Variants in TCF12 observed in about 807,000 individuals in gnomAD.
The protein encoded by TCF12 is transcription factor 12, also known as DNA-binding protein HTF4.
In TCF12, 45 loss-of-function variants were observed where a neutral mutation model predicts 86.0. The observed-to-expected ratio is 0.52, with a 90% CI of 0.41 to 0.67. TCF12 has a LOEUF of 0.67. TCF12 is among the 30% of genes least tolerant of loss of function. TCF12 has a pLI of 0.00. For missense variants in TCF12, 881 were observed against 859.9 expected, an observed-to-expected ratio of 1.02 and a Z score of -0.31; for synonymous variants, 330 against 299.6, an observed-to-expected ratio of 1.10 and a Z score of -1.05.
chr15:57,271,366 A>G (rs901754661), intron 18 of TCF12, among the ~76,000 whole-genome samples: 39 of 152,346 alleles, frequency 2.6e-4, no homozygotes, highest in African/African-American at 8.9e-4. Context: ...GCAGCAAGCA[A>G]GGCTCCGTGG....
chr15:56,991,315 C>T (rs745440431), intron 3 of TCF12, among the ~76,000 whole-genome samples: 7 of 152,126 alleles, frequency 4.6e-5, no homozygotes, highest in African/African-American at 9.7e-5. Context: ...ACCAGTCTTC[C>T]GTTTCCATCT....
At position 57,250,755 on chromosome 15, in the gene TCF12, A is replaced by G. The variant is rs1053169280; in HGVS notation, c.1115-595A>G. Among the ~76,000 whole-genome samples, 7 of 149,472 alleles carry G rather than the reference A, an allele frequency of 4.7e-5. 1 individual carries two copies. The East Asian group carries it at 5.9e-4, about 13-fold the overall frequency. On this transcript the variant is annotated intron_variant, in intron 13 of 20. Coordinates refer to ENST00000333725, the MANE Select transcript of TCF12 (RefSeq NM_207037.2). ...AAAAAAAAAGAAAAAAAATTAGCCA[A>G]CGTGGTGGCACACACTTGTGATCCC... is the stretch of plus-strand genomic sequence containing the variant.
At chr15:56,941,924 C>G (rs2060798448) in intron 3 of TCF12, among the ~76,000 whole-genome samples, 1 of 152,076 alleles carries the variant, frequency 6.6e-6, no homozygotes, top group Non-Finnish European at 1.5e-5. Context: ...AACTGAAGGC[C>G]ACCTGATCTG....
chr15:57,007,673 C>T (rs2064463048), intron 3 of TCF12, among the ~76,000 whole-genome samples: 1 of 152,048 alleles, frequency 6.6e-6, no homozygotes, highest in African/African-American at 2.4e-5. Flanking sequence ...TGAAAACTGA[C>T]TAATATGATA....
rs772390979 is a variant in TCF12, at chr15:57,232,781, C to A, written c.895C>A (p.Arg299Ser). 3.1e-6 allele frequency: 5 copies of A among 1,612,738 alleles called. No individual in the cohort carries two copies. Among genetic ancestry groups the A allele is most frequent in the Non-Finnish European group, 4.2e-6 (5 of 1,179,406 alleles). ...TSLPPMSSFH[R>S]GSTSSSPYVA... ...TCTTCCACCAATGTCCAGCTTTCAT[C>A]GCGGCAGTACCAGCAGTTCACCTTA... Residue 299 changes from arginine (R) to serine (S), a missense_variant, in exon 11 of 21, where the codon CGC becomes AGC. By Grantham distance (110) the Arg-to-Ser change is moderately radical. Transcript: ENST00000333725.
At chr15:56,955,967 T>C (rs182329212) in intron 3 of TCF12, among the ~76,000 whole-genome samples, 5 of 152,340 alleles carry the variant, frequency 3.3e-5, no homozygotes, top group African/African-American at 4.8e-5. Flanking sequence ...ATCAGGTGAC[T>C]GTTTTATCAT....
At chr15:57,284,302 G>C (rs762829675) in intron 20 of TCF12, among the ~76,000 whole-genome samples, 8 of 151,956 alleles carry the variant, frequency 5.3e-5, no homozygotes, top group Non-Finnish European at 1.2e-4. Flanking sequence ...CCGCCTCCTG[G>C]GTTTGAGCAA....
At chr15:56,953,214 C>T (rs914619321) in intron 3 of TCF12, among the ~76,000 whole-genome samples, 1 of 151,884 alleles carries the variant, frequency 6.6e-6, no homozygotes, top group African/African-American at 2.4e-5. Flanking sequence ...GGCTATGAGG[C>T]ATTATTCTTT....
chr15:57,225,840 AATTT>A (rs1477081175), intron 8 of TCF12, among the ~76,000 whole-genome samples: 9 of 139,632 alleles, frequency 6.4e-5, no homozygotes, highest in East Asian at 2.2e-4. Flanking sequence ...TAGATTAATC[AATTT>A]ATTTATTTAT....
intron 5 of TCF12, 73 bp downstream of exon 5, chr15:57,091,964 C>A: frequency 1.6e-6 from 2 of 1,236,378 alleles, no homozygotes; most frequent in South Asian, 1.3e-5. Context: ...TCCCTTTGTC[C>A]AGGAGGGACA....
At chr15:57,190,994 A>G (rs1183609965) in intron 6 of TCF12, among the ~76,000 whole-genome samples, 1 of 152,230 alleles carries the variant, frequency 6.6e-6, no homozygotes, top group Admixed American at 6.5e-5. Flanking sequence ...AACAAGTACA[A>G]CATTGGAGGG....
chr15:57,031,410 CT>C (rs1193875960), intron 3 of TCF12, among the ~76,000 whole-genome samples: 2 of 152,156 alleles, frequency 1.3e-5, no homozygotes, highest in African/African-American at 2.4e-5. Context: ...CTGAGGCTTT[CT>C]GACCTGGCTT....
chr15:57,160,771 C>T (rs1050105742), intron 5 of TCF12, among the ~76,000 whole-genome samples: 5 of 152,068 alleles, frequency 3.3e-5, no homozygotes, highest in South Asian at 4.1e-4. Flanking sequence ...TAGCTCACTG[C>T]GGCCTCAAAC....
rs1413622050 is a variant in TCF12, at chr15:56,918,719, G to A, written c.-210G>A. On this transcript the variant is annotated 5_prime_UTR_variant, in exon 1 of 21. Coordinates refer to ENST00000333725, the MANE Select transcript of TCF12 (RefSeq NM_207037.2). The stretch of plus-strand genomic sequence containing the variant: ...AGAGACCCACAAGTTCTATTCGGGG[G>A]GACCGACAGCCCGCCCCGGGAGGAA... The A allele has an allele frequency of 3.0e-5, 5 of 166,358 alleles. No individual in the cohort carries two copies. Among genetic ancestry groups the A allele is most frequent in the South Asian group, 2.7e-4 (2 of 7,276 alleles). 10.3% of individuals were successfully genotyped at this position (166,358 alleles called of 1,614,324 possible).
intron 5 of TCF12, among the ~76,000 whole-genome samples, chr15:57,105,281 T>G (rs71478615): frequency 3.3e-5 from 5 of 152,372 alleles, no homozygotes; most frequent in Admixed American, 2.6e-4. Flanking sequence ...ATGCCTTGTA[T>G]CGCCATCTCT....
chr15:56,958,612 T>C (rs1309219363), intron 3 of TCF12, among the ~76,000 whole-genome samples: 4 of 152,098 alleles, frequency 2.6e-5, no homozygotes, highest in Admixed American at 6.5e-5. Context: ...GACAGTTCTG[T>C]TGGATTGTGC....
intron 4 of TCF12, among the ~76,000 whole-genome samples, chr15:57,084,918 A>C (rs1393300017): frequency 6.6e-6 from 1 of 152,194 alleles, no homozygotes; most frequent in African/African-American, 2.4e-5. Context: ...TTCCTAAAAA[A>C]TGTTTAGATA....
At chr15:57,122,673 A>G (rs1284272668) in intron 5 of TCF12, among the ~76,000 whole-genome samples, 2 of 152,234 alleles carry the variant, frequency 1.3e-5, no homozygotes, top group Non-Finnish European at 2.9e-5. Flanking sequence ...CAGAAGAGCC[A>G]ATTCATCCCA....
At chr15:57,129,032 T>C (rs2051899762) in intron 5 of TCF12, among the ~76,000 whole-genome samples, 1 of 152,238 alleles carries the variant, frequency 6.6e-6, no homozygotes. Context: ...TTTTCAGTTC[T>C]CTTGGGTGTA....
Sources: gnomAD v4.1 joint callset for allele counts (sites outside exome capture counted in the v4.1 genomes callset) on GRCh38, gnomAD v4.1.1 for gene constraint, MANE v1.5 for transcripts, NCBI Gene and HGNC (gene_info 2026-07-23, HGNC 2026-07-21) for gene names.